The following DPYD variants were observed in gnomAD, a reference collection of about 807,000 sequenced individuals.
The protein encoded by DPYD is dihydropyrimidine dehydrogenase.
In DPYD, 109 loss-of-function variants were observed where a neutral mutation model predicts 116.2. The ratio of observed to expected loss-of-function variants is 0.94; its 90% CI spans 0.80 to 1.10. DPYD has a LOEUF of 1.10. Ranked by LOEUF, DPYD falls within the 50% of genes least tolerant of loss-of-function variation. The pLI, the probability that DPYD is intolerant of heterozygous loss-of-function variation, is 0.00. For missense variants in DPYD, 1,302 were observed against 1,254.5 expected (o/e 1.04, Z -0.57); for synonymous variants, 440 against 432.0 (o/e 1.02, Z -0.23).
At chr1:97,907,438 G>A (rs931187603) in intron 1 of DPYD, among the ~76,000 whole-genome samples, 7 of 152,032 alleles carry the variant, frequency 4.6e-5, no homozygotes, top group Admixed American at 1.3e-4. Context: ...AACATTATAA[G>A]ATAAGCAGAA....
chr1:97,669,786 T>C (rs898627225), intron 8 of DPYD, among the ~76,000 whole-genome samples: 26 of 152,178 alleles, frequency 1.7e-4, no homozygotes, highest in East Asian at 7.7e-4. Flanking sequence ...TTTGGTAAGA[T>C]TGTTCTAGAA....
chr1:97,572,332 A>T (rs549988010), intron 11 of DPYD, among the ~76,000 whole-genome samples: 3 of 152,030 alleles, frequency 2.0e-5, no homozygotes, highest in African/African-American at 7.2e-5. Flanking sequence ...GCGCACACAC[A>T]CACAAGCACA....
At chr1:97,680,267 TAAATCA>T (rs1323545079) in intron 7 of DPYD, among the ~76,000 whole-genome samples, 3 of 152,170 alleles carry the variant, frequency 2.0e-5, no homozygotes, top group African/African-American at 7.2e-5. Context: ...GCCAAGAGAC[TAAATCA>T]AAGATAATAT....
intron 6 of DPYD, among the ~76,000 whole-genome samples, chr1:97,697,110 C>A (rs1571207589): frequency 6.6e-6 from 1 of 152,068 alleles, no homozygotes; most frequent in Non-Finnish European, 1.5e-5. Context: ...GCCCTTTTAA[C>A]CCTGTTAAAC....
intron 1 of DPYD, among the ~76,000 whole-genome samples, chr1:97,901,612 G>A (rs1053759995): frequency 2.8e-4 from 42 of 151,768 alleles, no homozygotes; most frequent in Admixed American, 4.6e-4. Context: ...AGTATGCACA[G>A]AAAATAAAAG....
intron 3 of DPYD, among the ~76,000 whole-genome samples, chr1:97,746,664 A>G (rs953776326): frequency 1.3e-5 from 2 of 152,144 alleles, no homozygotes; most frequent in African/African-American, 4.8e-5. Flanking sequence ...AATTGTATAC[A>G]TTAATAACTG....
chr1:97,164,868 CT>C (rs58517548), intron 20 of DPYD, among the ~76,000 whole-genome samples: 7,234 of 143,684 alleles, frequency 0.05, 556 homozygotes, highest in African/African-American at 0.17. Context: ...CGTACAGATT[CT>C]TTTTTTTTTT....
chr1:97,681,989 A>T (rs1488384988), intron 7 of DPYD, among the ~76,000 whole-genome samples: 2 of 152,066 alleles, frequency 1.3e-5, no homozygotes, highest in Non-Finnish European at 2.9e-5. Flanking sequence ...ATCCTTTTTG[A>T]GGTGGGTATT....
intron 12 of DPYD, chr1:97,546,442 G>T (rs970424059): frequency 6.3e-7 from 1 of 1,598,486 alleles, no homozygotes; most frequent in African/African-American, 1.3e-5. Flanking sequence ...TTCCTGAAGT[G>T]AGAAAGATGA....
chr1:97,577,308 A>G (rs1269051759), intron 10 of DPYD, among the ~76,000 whole-genome samples: 2 of 152,134 alleles, frequency 1.3e-5, no homozygotes, highest in African/African-American at 2.4e-5. Context: ...CCACATCCCT[A>G]TGAAACGAGT....
At chr1:97,719,744 A>G in intron 5 of DPYD, 1 of 985,142 alleles carries the variant, frequency 1.0e-6, no homozygotes, top group Non-Finnish European at 1.2e-6. Context: ...AAAAAAAAGG[A>G]CAAAAAGCTT....
intron 14 of DPYD, among the ~76,000 whole-genome samples, chr1:97,394,716 A>C (rs1255911892): frequency 6.6e-6 from 1 of 152,078 alleles, no homozygotes; most frequent in African/African-American, 2.4e-5. Context: ...ATTTGTAAAA[A>C]AAGCAATATT....
At chr1:97,581,703 G>A (rs1393453205) in intron 10 of DPYD, among the ~76,000 whole-genome samples, 2 of 139,716 alleles carry the variant, frequency 1.4e-5, no homozygotes, top group African/African-American at 2.7e-5. Flanking sequence ...CTGTGATCAC[G>A]CCACTGCATT....
Position 97,366,279 on chromosome 1 carries a change from T to G in DPYD, c.2058+7282A>C, listed in dbSNP as rs146643339. Among the ~76,000 whole-genome samples the G allele has an allele frequency of 2.4e-3, 360 of 152,312 alleles. 2 individuals are homozygous for G. Among genetic ancestry groups the G allele is most frequent in the African/African-American group, 8.3e-3 (346 of 41,584 alleles). On this transcript the variant is annotated intron_variant, in intron 16 of 22. Transcript: ENST00000370192. ...AACATAATATAGTATAAAGCAGATTTTTTTTGATTAGAGATAGTTTTTCTC... is the reference window on the plus strand; with the variant it reads ...AACATAATATAGTATAAAGCAGATTGTTTTTGATTAGAGATAGTTTTTCTC...
At chr1:97,144,445 C>T (rs2101702551) in intron 20 of DPYD, among the ~76,000 whole-genome samples, 1 of 152,332 alleles carries the variant, frequency 6.6e-6, no homozygotes, top group African/African-American at 2.4e-5. Flanking sequence ...GTTATATTAA[C>T]AATCTGTTCC....
intron 8 of DPYD, among the ~76,000 whole-genome samples, chr1:97,610,176 A>T (rs960507785): frequency 1.3e-5 from 2 of 152,028 alleles, no homozygotes; most frequent in Non-Finnish European, 2.9e-5. Context: ...TAACTGTCCC[A>T]GATGTTATCA....
Position 97,648,928 on chromosome 1 carries a change from C to T in DPYD, c.850+30167G>A, listed in dbSNP as rs145563742. Among the ~76,000 whole-genome samples, 1,002 of 151,978 alleles carry T rather than the reference C, an allele frequency of 6.6e-3. 7 individuals carry two copies. The highest frequency in any genetic ancestry group is 0.011 in the Non-Finnish European group (780 of 67,868). On this transcript the variant is annotated intron_variant, in intron 8 of 22. Transcript: ENST00000370192. The stretch of plus-strand genomic sequence containing the variant: ...TCCCCTTAGAAGATCCTCTATAGAC[C>T]CTCAGTGTCCTATATTGAATCTAAA...
Position 97,302,470 on chromosome 1 carries a change from C to A in DPYD, c.2299+2789G>T, listed in dbSNP as rs201945067. 8.6e-5 allele frequency among the ~76,000 whole-genome samples: 13 copies of A among 151,880 alleles called. No homozygotes were observed. The East Asian group carries it at 2.5e-3, about 30-fold the overall frequency. ...GTTTCATATATTTAAGCACCGCCCC[C>A]CAGAGTTTAATCATCTGTAGATGAA... On this transcript the variant is annotated intron_variant, in intron 18 of 22. Transcript: ENST00000370192.
intron 20 of DPYD, among the ~76,000 whole-genome samples, chr1:97,169,399 ATT>A (rs1454567356): frequency 6.6e-6 from 1 of 151,934 alleles, no homozygotes; most frequent in African/African-American, 2.4e-5. Context: ...TTCTCTTTAC[ATT>A]TTGTCTTAGA....
Sources: gnomAD v4.1 joint callset for allele counts (sites outside exome capture counted in the v4.1 genomes callset) on GRCh38, gnomAD v4.1.1 for gene constraint, MANE v1.5 for transcripts, NCBI Gene and HGNC (gene_info 2026-07-23, HGNC 2026-07-21) for gene names.